The following RTTN variants were observed in gnomAD, a reference collection of about 807,000 sequenced individuals.
The protein encoded by RTTN is rotatin.
Under a neutral mutation model 269.2 loss-of-function variants are expected in RTTN, and 182 were observed. That is an observed-to-expected ratio of 0.68 (90% CI 0.60 to 0.76). RTTN has a LOEUF of 0.76. RTTN is among the 30% of genes least tolerant of loss of function. RTTN has a pLI of 0.00. For missense variants in RTTN, 2,545 were observed against 2,608.6 expected, an observed-to-expected ratio of 0.98 and a Z score of 0.53; for synonymous variants, 1,006 against 963.5, an observed-to-expected ratio of 1.04 and a Z score of -0.82.
chr18:70,074,165 G>GT (rs576885438), intron 33 of RTTN, among the ~76,000 whole-genome samples, 171 bp from the exon 34 acceptor site: 18 of 150,884 alleles, frequency 1.2e-4, no homozygotes, highest in East Asian at 1.9e-4. Flanking sequence ...TCTAAGGAGA[G>GT]TTTTTTTTTA....
In RTTN at chr18:70,166,277, T is replaced by C. The variant is rs1599866450; in HGVS notation, c.1803-89A>G. ...AAGCATACTGGAAGGGATTTCTTCC[T>C]ACTCCAACTCCTCAAACTGAGATCT... On this transcript the variant is annotated intron_variant, in intron 13 of 48. Coordinates refer to ENST00000640769, the MANE Select transcript of RTTN (RefSeq NM_173630.4). The C allele has an allele frequency of 1.4e-5, 18 of 1,256,290 alleles. No individual in the cohort carries two copies. The East Asian group carries it at 2.6e-4, about 18-fold the overall frequency. The allele number at this position is 1,256,290 out of a possible 1,614,324, so 77.8% of individuals were successfully genotyped here. A position where few individuals can be genotyped will look rare whatever the true frequency, so the allele number is the denominator to read the frequency against.
chr18:70,150,239 T>G, intron 15 of RTTN, 152 bp from the exon 16 acceptor site: 1 of 614,032 alleles, frequency 1.6e-6, no homozygotes, highest in African/African-American at 1.9e-5. Context: ...TCATCTTACA[T>G]TCTGTTCTGT....
At chr18:70,015,140 G>A (rs984637304) in intron 46 of RTTN, among the ~76,000 whole-genome samples, 4 of 151,356 alleles carry the variant, frequency 2.6e-5, no homozygotes, top group East Asian at 1.9e-4. Flanking sequence ...GTGCAGTGGC[G>A]CGATCTTGGC....
intron 32 of RTTN, among the ~76,000 whole-genome samples, chr18:70,078,920 T>C (rs1309048102): frequency 1.3e-5 from 2 of 152,176 alleles, no homozygotes; most frequent in South Asian, 4.1e-4. Context: ...TCAAAAGATA[T>C]GATGCATGGG....
In RTTN at chr18:70,153,853, T is replaced by C. The variant is rs147366933; in HGVS notation, c.1930-3120A>G. On this transcript the variant is annotated intron_variant, in intron 14 of 48. Transcript: ENST00000640769. ...ATTATTATAACTCCCTGATAGTAAA[T>C]ACACATGAATTTTTTAAAACCACAT... Among the ~76,000 whole-genome samples, 536 of 152,342 alleles carry C rather than the reference T, an allele frequency of 3.5e-3. 4 individuals carry two copies. The highest frequency in any genetic ancestry group is 0.012 in the African/African-American group (516 of 41,588).
chr18:70,188,175 A>G lies in RTTN; in HGVS notation c.1238T>C (p.Met413Thr), dbSNP rs2061590223. 6.2e-7 allele frequency: 1 copy of G among 1,612,398 alleles called. No homozygotes were observed. ...TGAAATTGCTTCACCAATAAGTGTC[A>G]TATCCTCTGTAAGCAATTCCAGAAC... ...IRVLELLTED[M>T]TLIGEAISTD... Residue 413 changes from methionine to threonine, a missense_variant, in exon 10 of 49, where the codon ATG becomes ACG. Coordinates refer to ENST00000640769, the MANE Select transcript of RTTN (RefSeq NM_173630.4).
chr18:70,138,796 C>T (rs2060185925), intron 21 of RTTN: 1 of 152,116 alleles, frequency 6.6e-6, no homozygotes, highest in South Asian at 2.1e-4. Flanking sequence ...AAAATGACTA[C>T]ATTATAATAA....
chr18:70,089,476 T>C (rs1275289094), intron 30 of RTTN, among the ~76,000 whole-genome samples: 1 of 152,162 alleles, frequency 6.6e-6, no homozygotes, highest in Non-Finnish European at 1.5e-5. Flanking sequence ...AATGGTATTT[T>C]GTTATGGAAG....
chr18:70,125,497 T>C (rs2059842982), intron 25 of RTTN, among the ~76,000 whole-genome samples: 1 of 151,960 alleles, frequency 6.6e-6, no homozygotes, highest in African/African-American at 2.4e-5. Context: ...ATTTGAAAAA[T>C]TAGCCTCAAA....
chr18:70,034,423 C>G (rs2057111546), intron 40 of RTTN, among the ~76,000 whole-genome samples: 2 of 152,216 alleles, frequency 1.3e-5, no homozygotes, highest in Non-Finnish European at 2.9e-5. Context: ...AAACATGATT[C>G]ATCACATAAA....
At chr18:70,140,584 CAT>C (rs1380124864) in intron 19 of RTTN, among the ~76,000 whole-genome samples, 2 of 152,026 alleles carry the variant, frequency 1.3e-5, no homozygotes, top group Non-Finnish European at 2.9e-5. Context: ...TCCACAAGCT[CAT>C]GTGTAAAATA....
intron 16 of RTTN, among the ~76,000 whole-genome samples, chr18:70,149,555 A>AAAAG: frequency 6.6e-6 from 1 of 151,532 alleles, no homozygotes. Context: ...AAAAAAAAAA[A>AAAAG]AAGCTGTTTC....
intron 7 of RTTN, among the ~76,000 whole-genome samples, chr18:70,195,162 A>G (rs2061773794): frequency 6.6e-6 from 1 of 152,178 alleles, no homozygotes; most frequent in South Asian, 2.1e-4. Flanking sequence ...AGCTCACTGC[A>G]GTCCACTCTC....
At position 70,128,172 on chromosome 18, in the gene RTTN, T is replaced by G. The variant is rs138951729; in HGVS notation, c.3143+186A>C. The G allele has an allele frequency of 7.4e-4, 404 of 542,420 alleles. 2 individuals carry two copies. The highest frequency in any genetic ancestry group is 7.0e-3 in the African/African-American group (368 of 52,946). 33.6% of individuals were successfully genotyped at this position (542,420 alleles called of 1,614,324 possible). On this transcript the variant is annotated intron_variant, in intron 24 of 48. Coordinates refer to ENST00000640769, the MANE Select transcript of RTTN (RefSeq NM_173630.4). ...CTTTTTCATTTAAAGTTTTCCCATA[T>G]GATAGATTGTTAAAAGTAATAAACA...
In RTTN at chr18:70,127,709, T is replaced by C. The variant is rs769739859; in HGVS notation, c.3176A>G (p.Asp1059Gly). The change falls in exon 25 of 49, where the codon GAC (aspartate) becomes GGC (glycine). Residue 1059 changes from aspartate to glycine, a missense_variant. Physicochemically the swap from Asp to Gly is moderately conservative, Grantham distance 94. Transcript: ENST00000640769. ...GTGTGTTATCTTCAGAGTGAGGATGTCCTCTGTAGATAACTTCAATGCATC... is the reference window on the plus strand; with the variant it reads ...GTGTGTTATCTTCAGAGTGAGGATGCCCTCTGTAGATAACTTCAATGCATC... ...ILDALKLSTE[D>G]ILTLKITHMA... The C allele has an allele frequency of 1.2e-5, 19 of 1,611,278 alleles. No homozygotes were observed. Among genetic ancestry groups the C allele is most frequent in the Non-Finnish European group, 1.5e-5 (18 of 1,177,986 alleles).
At chr18:70,076,679 G>A (rs1219175005) in intron 32 of RTTN, among the ~76,000 whole-genome samples, 1 of 151,946 alleles carries the variant, frequency 6.6e-6, no homozygotes, top group Non-Finnish European at 1.5e-5. Flanking sequence ...GTCCTAAACA[G>A]AGCAATTTAT....
intron 26 of RTTN, among the ~76,000 whole-genome samples, chr18:70,116,411 T>C (rs963394278): frequency 1.3e-5 from 2 of 152,096 alleles, no homozygotes; most frequent in African/African-American, 2.4e-5. Context: ...CACTTGAAGA[T>C]TACTGAAGTT....
chr18:70,112,184 C>G (rs1334722684), intron 27 of RTTN, among the ~76,000 whole-genome samples: 2 of 152,124 alleles, frequency 1.3e-5, no homozygotes, highest in African/African-American at 2.4e-5. Flanking sequence ...AAAACCGGTA[C>G]CAGCCACTGC....
At chr18:70,160,816 G>A (rs1599841210) in intron 14 of RTTN, among the ~76,000 whole-genome samples, 1 of 151,814 alleles carries the variant, frequency 6.6e-6, no homozygotes, top group Admixed American at 6.6e-5. Flanking sequence ...AAATCACAAT[G>A]AGAATTGTAA....
Sources: allele counts gnomAD v4.1 joint callset (sites outside exome capture counted in the v4.1 genomes callset), GRCh38; gene constraint gnomAD v4.1.1; transcripts MANE v1.5; gene names NCBI Gene and HGNC (gene_info 2026-07-23, HGNC 2026-07-21).